The following ARID1A variants were observed in gnomAD, a reference collection of about 807,000 sequenced individuals.
ARID1A encodes AT-rich interaction domain 1A.
ARID1A carries 20 observed loss-of-function variants against 212.6 expected under a neutral mutation model. The ratio of observed to expected loss-of-function variants is 0.09; its 90% confidence interval spans 0.07 to 0.14. ARID1A has a LOEUF of 0.14. Ranked by LOEUF, ARID1A falls within the 10% of genes least tolerant of loss-of-function variation. The pLI is 1.00. For missense variants in ARID1A, 2,587 were observed against 3,059.0 expected, an observed-to-expected ratio of 0.85 and a Z score of 3.64; for synonymous variants, 1,376 against 1,222.1, an observed-to-expected ratio of 1.13 and a Z score of -2.63.
At chr1:26,778,991 C>T (rs2081163644) in intron 19 of ARID1A, 32 bp from the exon 20 acceptor site, 1 of 1,496,382 alleles carries the variant, frequency 6.7e-7, no homozygotes, top group Admixed American at 2.3e-5. Flanking sequence ...ACTTTTCTCC[C>T]TTAATTTATT....
At chr1:26,737,893 C>T (rs1453846183) in intron 4 of ARID1A, among the ~76,000 whole-genome samples, 1 of 151,998 alleles carries the variant, frequency 6.6e-6, no homozygotes, top group Admixed American at 6.6e-5. Context: ...AAATTAATGC[C>T]CAGAGTTCAC....
chr1:26,756,522 C>T (rs1409191178), intron 4 of ARID1A, among the ~76,000 whole-genome samples: 1 of 150,670 alleles, frequency 6.6e-6, no homozygotes, highest in Non-Finnish European at 1.5e-5. Flanking sequence ...TACCACTGCC[C>T]TCCAGCCTGG....
chr1:26,780,068 G>A lies in ARID1A; in HGVS notation c.6170G>A (p.Arg2057Gln), dbSNP rs2124146480. 6.2e-7 allele frequency: 1 copy of A among 1,614,092 alleles called. No individual in the cohort carries two copies. The highest frequency in any genetic ancestry group is 8.5e-7 in the Non-Finnish European group (1 of 1,180,004). Residue 2057 changes from arginine to glutamine, a missense_variant, in exon 20 of 20, where the codon CGG (arginine) becomes CAG (glutamine). This residue lies in a region of ARID1A where 168 missense variants were observed against 321.0 expected (regional missense o/e 0.52). Transcript: ENST00000324856. The surrounding 1 kb of genome is among the most constrained non-coding windows in gnomAD (Gnocchi z 7.2). ...TGGTGGGACTGCTTGGAGATGCTCC[G>A]GGAAAACACCTTGGTTACACTCGCC... ...EWWWDCLEML[R>Q]ENTLVTLANI...
At chr1:26,732,638 A>G (rs774647793) in intron 3 of ARID1A, 38 bp from the exon 4 acceptor site, 9 of 1,519,226 alleles carry the variant, frequency 5.9e-6, no homozygotes, top group Non-Finnish European at 8.2e-6. Context: ...TGGTTTATCA[A>G]TACCAGGCCA....
In ARID1A at chr1:26,696,772, C is replaced by A. The variant is rs1427968958; in HGVS notation, c.369C>A (p.Gly123=). The A allele has an allele frequency of 7.4e-7, 1 of 1,342,572 alleles. No homozygotes were observed. The allele number at this position is 1,342,572 out of a possible 1,614,324, so 83.2% of individuals were successfully genotyped here. The change falls in exon 1 of 20, where the codon GGC becomes GGA. Residue 123 remains glycine (G), a synonymous_variant. Coordinates refer to ENST00000324856, the MANE Select transcript of ARID1A (RefSeq NM_006015.6). ...LNNNLTEPPG[G]GGGGSSDGVG... is the part of the protein sequence containing the mutation. ...ATAACCTCACGGAGCCGCCCGGCGG[C>A]GGCGGTGGCGGCAGCAGCGATGGGG...
At chr1:26,743,751 G>C (rs1387247545) in intron 4 of ARID1A, among the ~76,000 whole-genome samples, 3 of 141,890 alleles carry the variant, frequency 2.1e-5, no homozygotes, top group Non-Finnish European at 4.5e-5. Context: ...AGAATCGCTT[G>C]AACCCGGGAG....
At chr1:26,767,121 C>T (rs1036720643) in intron 10 of ARID1A, among the ~76,000 whole-genome samples, 5 of 152,162 alleles carry the variant, frequency 3.3e-5, no homozygotes, top group Non-Finnish European at 7.3e-5. Flanking sequence ...TGTCCTTGGC[C>T]ATACCTCACT....
In ARID1A at chr1:26,696,764, C is replaced by T. The variant is rs1469943078; in HGVS notation, c.361C>T (p.Pro121Ser). 11 of 1,349,674 alleles carry T rather than the reference C, an allele frequency of 8.2e-6. No homozygotes were observed. Among genetic ancestry groups the T allele is most frequent in the Non-Finnish European group, 1.0e-5 (11 of 1,055,116 alleles). The allele number at this position is 1,349,674 out of a possible 1,614,324, so 83.6% of individuals were successfully genotyped here. A position where few individuals can be genotyped will look rare whatever the true frequency, so the allele number is the denominator to read the frequency against. ...PALNNNLTEP[P>S]GGGGGGSSDG... is the part of the protein sequence containing the mutation. The stretch of plus-strand genomic sequence containing the variant: ...CCTGAACAATAACCTCACGGAGCCG[C>T]CCGGCGGCGGCGGTGGCGGCAGCAG... The change falls in exon 1 of 20, where the codon CCC becomes TCC. Residue 121 changes from proline to serine, a missense_variant. Transcript: ENST00000324856.
rs150797909 is a variant in ARID1A at position 26,773,395 on chromosome 1, G to A, written c.3765G>A (p.Gly1255=). Residue 1255 remains glycine (G), a synonymous_variant, in exon 15 of 20, where the codon GGG becomes GGA. Coordinates refer to ENST00000324856, the MANE Select transcript of ARID1A (RefSeq NM_006015.6). ...CCTCAGGGCAGGGCCCCAACGGCGG[G>A]ATGGGTGACCCCTACAGTCGTGCTG... is the stretch of plus-strand genomic sequence containing the variant. ...FMSSGQGPNG[G]MGDPYSRAAG... is the part of the protein sequence containing the mutation. The A allele has an allele frequency of 4.9e-4, 795 of 1,612,736 alleles. No homozygotes were observed. Among genetic ancestry groups the A allele is most frequent in the Non-Finnish European group, 6.5e-4 (762 of 1,179,326 alleles).
Position 26,781,163 on chromosome 1 carries a change from A to G in ARID1A, c.*407A>G, listed in dbSNP as rs966221010. The G allele has an allele frequency of 5.7e-5, 13 of 228,856 alleles. No homozygotes were observed. Among genetic ancestry groups the G allele is most frequent in the African/African-American group, 2.4e-4 (11 of 44,944 alleles). 14.2% of individuals were successfully genotyped at this position (228,856 alleles called of 1,614,324 possible). ...TTTCATAACTGTTTTTAATGGTAAAAAAAAAAAAAAAAAATACAAAAAAAA... is the reference window on the plus strand; with the variant it reads ...TTTCATAACTGTTTTTAATGGTAAAGAAAAAAAAAAAAAATACAAAAAAAA... On this transcript the variant is annotated 3_prime_UTR_variant, in exon 20 of 20. Transcript: ENST00000324856.
In ARID1A at chr1:26,775,692, C is replaced by T; in HGVS notation, c.5109C>T (p.Thr1703=). Residue 1703 remains threonine (T), a synonymous_variant, in exon 19 of 20, where the codon ACC becomes ACT. Transcript: ENST00000324856. ...TGTATGATGACAACAGCATCATGAC[C>T]TTCAACCTCAGTCAGGTGAGTATCA... ...ILLYDDNSIM[T]FNLSQLPGLL... 2 of 1,614,228 alleles carry T rather than the reference C, an allele frequency of 1.2e-6. No individual in the cohort carries two copies. The highest frequency in any genetic ancestry group is 1.7e-6 in the Non-Finnish European group (2 of 1,180,046).
Position 26,771,425 on chromosome 1 carries a change from C to A in ARID1A, c.3406+99C>A. On this transcript the variant is annotated intron_variant, in intron 12 of 19. Coordinates refer to ENST00000324856, the MANE Select transcript of ARID1A (RefSeq NM_006015.6). The surrounding 1 kb of genome is among the most constrained non-coding windows in gnomAD (Gnocchi z 5.4). ...AAGAGGCTTATCCAACAGGATATGC[C>A]AAGGATCTGTGCTCTGCCTTGCCCT... 7.7e-7 allele frequency: 1 copy of A among 1,301,734 alleles called. No homozygotes were observed. The allele number at this position is 1,301,734 out of a possible 1,614,324, so 80.6% of individuals were successfully genotyped here. A position where few individuals can be genotyped will look rare whatever the true frequency, so the allele number is the denominator to read the frequency against.
intron 3 of ARID1A, 132 bp from the exon 4 acceptor site, chr1:26,732,544 C>G (rs2080689479): frequency 1.5e-6 from 1 of 653,140 alleles, no homozygotes; most frequent in Non-Finnish European, 2.6e-6. Flanking sequence ...TTCTGGCCTT[C>G]ACATAATACT....
intron 4 of ARID1A, among the ~76,000 whole-genome samples, chr1:26,752,294 G>A (rs1235589628): frequency 6.6e-6 from 1 of 152,216 alleles, no homozygotes; most frequent in African/African-American, 2.4e-5. Flanking sequence ...TGCATAGGTG[G>A]CAGTTAATCT....
chr1:26,780,126 C>T lies in ARID1A; in HGVS notation c.6228C>T (p.Tyr2076=), dbSNP rs2124146998. 4.3e-6 allele frequency: 7 copies of T among 1,614,206 alleles called. No homozygotes were observed. Among genetic ancestry groups the T allele is most frequent in the Non-Finnish European group, 5.9e-6 (7 of 1,180,040 alleles). The part of the protein sequence containing the change: ...NISGQLDLSP[Y]PESICLPVLD... Reference sequence around the variant, plus strand: ...CGGGGCAGTTGGACCTATCTCCATACCCCGAGAGCATTTGCCTGCCTGTCC... The same window carrying T: ...CGGGGCAGTTGGACCTATCTCCATATCCCGAGAGCATTTGCCTGCCTGTCC... The change falls in exon 20 of 20, where the codon TAC becomes TAT. Residue 2076 remains tyrosine (Y), a synonymous_variant. Transcript: ENST00000324856. This position sits in a 1 kb window ranked among gnomAD's most constrained non-coding sequence, Gnocchi z 7.2.
intron 1 of ARID1A, among the ~76,000 whole-genome samples, chr1:26,702,739 A>T (rs1026933433): frequency 6.6e-6 from 1 of 151,686 alleles, no homozygotes; most frequent in South Asian, 2.1e-4. Flanking sequence ...GAAGTGATCT[A>T]AAAAAAAATT....
intron 1 of ARID1A, among the ~76,000 whole-genome samples, chr1:26,727,092 T>A (rs1219751160): frequency 6.6e-6 from 1 of 152,250 alleles, no homozygotes; most frequent in Non-Finnish European, 1.5e-5. Context: ...GTAAAAGCAC[T>A]GTTTTATCAT....
In ARID1A at chr1:26,780,337, T is replaced by C. The variant is rs750440877; in HGVS notation, c.6439T>C (p.Leu2147=). 1 of 1,614,176 alleles carries C rather than the reference T, an allele frequency of 6.2e-7. No homozygotes were observed. The highest frequency in any genetic ancestry group is 8.5e-7 in the Non-Finnish European group (1 of 1,180,024). Residue 2147 remains leucine (L), a synonymous_variant, in exon 20 of 20, where the codon TTG becomes CTG. Transcript: ENST00000324856. This position sits in a 1 kb window ranked among gnomAD's most constrained non-coding sequence, Gnocchi z 7.2. ...ATPPFSRLEK[L]YSTMVRFLSD... The stretch of plus-strand genomic sequence containing the variant: ...ACCCCCCTTCAGCCGCCTGGAGAAG[T>C]TGTATAGCACTATGGTGCGCTTCCT...
rs2124741377 is a variant in ARID1A at position 26,696,736 on chromosome 1, C to T, written c.333C>T (p.Pro111=). ...CGAACGGGAACGCGGGCCCTAGGCC[C>T]GCCCTGAACAATAACCTCACGGAGC... is the stretch of plus-strand genomic sequence containing the variant. The part of the protein sequence containing the change: ...KNSNGNAGPR[P]ALNNNLTEPP... Residue 111 remains proline, a synonymous_variant, in exon 1 of 20, where the codon CCC becomes CCT. Coordinates refer to ENST00000324856, the MANE Select transcript of ARID1A (RefSeq NM_006015.6). 1 of 1,371,958 alleles carries T rather than the reference C, an allele frequency of 7.3e-7. No homozygotes were observed. The highest frequency in any genetic ancestry group is 9.4e-7 in the Non-Finnish European group (1 of 1,064,708). 85.0% of individuals were successfully genotyped at this position (1,371,958 alleles called of 1,614,324 possible). A position where few individuals can be genotyped will look rare whatever the true frequency, so the allele number is the denominator to read the frequency against.
Sources: gnomAD v4.1 joint callset for allele counts (sites outside exome capture counted in the v4.1 genomes callset) on GRCh38, gnomAD v4.1.1 for gene constraint, gnomAD v4.1.1 regional missense constraint, Gnocchi (gnomAD v3.1) non-coding constraint, MANE v1.5 for transcripts, NCBI Gene and HGNC (gene_info 2026-07-23, HGNC 2026-07-21) for gene names.